The following SIL1 variants were observed in gnomAD, a reference collection of about 807,000 sequenced individuals.
SIL1 encodes SIL1 nucleotide exchange factor, also known as nucleotide exchange factor SIL1.
A neutral mutation model predicts 49.1 loss-of-function variants in SIL1; 40 were observed. The ratio of observed to expected loss-of-function variants is 0.81; its 90% CI spans 0.63 to 1.06. The LOEUF is 1.06. Among genes scored for constraint, SIL1 ranks in the 50% least tolerant of loss-of-function variants. The probability of loss-of-function intolerance (pLI) is 0.00; values close to 1 mark genes in which losing one functional copy is unlikely to be tolerated. For synonymous variants in SIL1, 253 were observed against 250.8 expected, an observed-to-expected ratio of 1.01 and a Z score of -0.08; for missense variants, 500 against 572.6, an observed-to-expected ratio of 0.87 and a Z score of 1.29.
chr5:139,113,702 G>GAGTAGT (rs1156714651), intron 3 of SIL1, among the ~76,000 whole-genome samples: 1 of 152,218 alleles, frequency 6.6e-6, no homozygotes, highest in Non-Finnish European at 1.5e-5. Context: ...CCTAGCCCTG[G>GAGTAGT]TTAGTCTTAA....
At chr5:139,164,996 T>C (rs1463300461) in intron 1 of SIL1, among the ~76,000 whole-genome samples, 1 of 152,222 alleles carries the variant, frequency 6.6e-6, no homozygotes, top group Non-Finnish European at 1.5e-5. Context: ...AGTGATCCCT[T>C]GTGGGAAAAA....
At chr5:139,167,646 A>C (rs1007253899) in intron 1 of SIL1, among the ~76,000 whole-genome samples, 2 of 152,210 alleles carry the variant, frequency 1.3e-5, no homozygotes, top group African/African-American at 4.8e-5. Flanking sequence ...AGTAAGCTAC[A>C]GCTACATTTA....
intron 1 of SIL1, chr5:139,128,193 T>C: frequency 2.7e-6 from 1 of 369,496 alleles, no homozygotes; most frequent in Non-Finnish European, 5.3e-6. Flanking sequence ...CCAACTGATC[T>C]GCATGTGAAC....
At chr5:139,092,983 T>C (rs181396132) in intron 3 of SIL1, among the ~76,000 whole-genome samples, 3 of 151,932 alleles carry the variant, frequency 2.0e-5, no homozygotes, top group Admixed American at 6.5e-5. Context: ...TTCGCAAGAG[T>C]AGTTTATTAA....
At chr5:139,102,832 AGCC>A (rs1275898914) in intron 3 of SIL1, among the ~76,000 whole-genome samples, 1 of 151,610 alleles carries the variant, frequency 6.6e-6, no homozygotes, top group Non-Finnish European at 1.5e-5. Context: ...CTCCTGCCTC[AGCC>A]TCCTGAGTAG....
intron 7 of SIL1, among the ~76,000 whole-genome samples, chr5:138,979,174 C>T (rs1262180685): frequency 2.6e-5 from 4 of 151,898 alleles, no homozygotes; most frequent in South Asian, 2.1e-4. Context: ...AAGCGATTCT[C>T]CTGCCTCAGC....
chr5:139,159,153 C>T (rs1002659865), intron 1 of SIL1, among the ~76,000 whole-genome samples: 15 of 151,440 alleles, frequency 9.9e-5, no homozygotes, highest in Non-Finnish European at 1.5e-5. Context: ...ATGCGCAAAA[C>T]AGTTTCCCAA....
intron 3 of SIL1, among the ~76,000 whole-genome samples, chr5:139,119,415 G>A (rs1361036290): frequency 2.6e-5 from 4 of 152,170 alleles, no homozygotes; most frequent in Non-Finnish European, 5.9e-5. Context: ...AGTAGGAGTC[G>A]AGGCCACAGG....
chr5:139,101,290 C>T (rs1297277750), intron 3 of SIL1, among the ~76,000 whole-genome samples: 2 of 152,150 alleles, frequency 1.3e-5, no homozygotes, highest in Admixed American at 1.3e-4. Flanking sequence ...GCTCCTCCCA[C>T]CTGGAAAACC....
chr5:139,184,037 G>A (rs1277478442), intron 1 of SIL1, among the ~76,000 whole-genome samples: 2 of 152,204 alleles, frequency 1.3e-5, no homozygotes, highest in African/African-American at 4.8e-5. Flanking sequence ...TTGCCCCATT[G>A]AAGCTTTAGT....
chr5:139,105,570 G>C (rs1770682969), intron 3 of SIL1, among the ~76,000 whole-genome samples: 1 of 152,246 alleles, frequency 6.6e-6, no homozygotes. Context: ...CAAGAACAGA[G>C]TAGAAAGGAG....
chr5:139,170,436 A>G (rs1333455867), intron 1 of SIL1, among the ~76,000 whole-genome samples: 7 of 141,650 alleles, frequency 4.9e-5, no homozygotes, highest in Non-Finnish European at 7.7e-5. Flanking sequence ...GCCTCTTCCC[A>G]GCCGCCATCC....
chr5:139,159,935 T>G (rs942039043), intron 1 of SIL1, among the ~76,000 whole-genome samples: 17 of 151,912 alleles, frequency 1.1e-4, no homozygotes, highest in Admixed American at 3.3e-4. Flanking sequence ...ACAAAAACCC[T>G]CAACCTAAAA....
At chr5:139,000,002 T>C (rs150845742) in intron 7 of SIL1, among the ~76,000 whole-genome samples, 19 of 152,346 alleles carry the variant, frequency 1.2e-4, no homozygotes, top group Non-Finnish European at 2.4e-4. Flanking sequence ...CAGTATTCTG[T>C]TGAATAAAAG....
chr5:139,087,084 C>A (rs1366042136), intron 3 of SIL1, among the ~76,000 whole-genome samples: 1 of 152,098 alleles, frequency 6.6e-6, no homozygotes, highest in African/African-American at 2.4e-5. Context: ...CCACCCACCA[C>A]AGCCTCCACA....
intron 7 of SIL1, among the ~76,000 whole-genome samples, chr5:138,975,095 A>G (rs2150395161): frequency 6.6e-6 from 1 of 152,296 alleles, no homozygotes; most frequent in African/African-American, 2.4e-5. Context: ...AAGGATAAAA[A>G]CACCCCATTT....
chr5:139,154,365 G>A (rs144968220), intron 1 of SIL1, among the ~76,000 whole-genome samples: 2 of 152,318 alleles, frequency 1.3e-5, no homozygotes, highest in East Asian at 3.9e-4. Context: ...GGACATTACA[G>A]TGCCCTTTAC....
At chr5:139,131,566 C>T (rs1750863214) in intron 1 of SIL1, 1 of 152,234 alleles carries the variant, frequency 6.6e-6, no homozygotes, top group South Asian at 2.1e-4. Flanking sequence ...GCTACACTCA[C>T]CCAGCAGCAA....
chr5:139,005,453 CCT>C (rs1491550914), intron 7 of SIL1, among the ~76,000 whole-genome samples: 1 of 147,508 alleles, frequency 6.8e-6, no homozygotes, highest in Non-Finnish European at 1.5e-5. Flanking sequence ...ATTTTTTCTT[CCT>C]TTTTTTTTTA....
Sources: allele counts gnomAD v4.1 joint callset (sites outside exome capture counted in the v4.1 genomes callset), GRCh38; gene constraint gnomAD v4.1.1; transcripts MANE v1.5; gene names NCBI Gene and HGNC (gene_info 2026-07-23, HGNC 2026-07-21).